Variants in FOXK1 observed in about 807,000 individuals in gnomAD.
FOXK1 encodes forkhead box protein K1.
A neutral mutation model predicts 51.9 loss-of-function variants in FOXK1; 19 were observed. The observed-to-expected ratio is 0.37, with a 90% CI of 0.26 to 0.54. FOXK1 has a LOEUF of 0.54. Ranked by LOEUF, FOXK1 falls within the 20% of genes least tolerant of loss-of-function variation. The pLI is 0.87. For missense variants in FOXK1, 870 were observed against 1,032.7 expected (o/e 0.84, Z 2.16); for synonymous variants, 537 against 482.6 (o/e 1.11, Z -1.48).
rs1176837534 is a variant in FOXK1 at position 4,723,818 on chromosome 7, C to A, written c.561-17020C>A. On this transcript the variant is annotated intron_variant, in intron 1 of 8. Coordinates refer to ENST00000328914, the MANE Select transcript of FOXK1 (RefSeq NM_001037165.2). This position sits in a 1 kb window ranked among gnomAD's most constrained non-coding sequence, Gnocchi z 4.7. ...AAATAGCTGAGACTACCAGTGTGCA[C>A]CACCACACCTGGCTGACTTCTTTGT... 6.6e-6 allele frequency among the ~76,000 whole-genome samples: 1 copy of A among 152,116 alleles called. No individual in the cohort carries two copies. The highest frequency in any genetic ancestry group is 2.4e-5 in the African/African-American group (1 of 41,426).
In FOXK1 at chr7:4,747,051, G is replaced by A. The variant is rs945841995; in HGVS notation, c.746+6028G>A. On this transcript the variant is annotated intron_variant, in intron 2 of 8. Transcript: ENST00000328914. This position sits in a 1 kb window ranked among gnomAD's most constrained non-coding sequence, Gnocchi z 9.2. ...GATCCCTTCGAGGGGCAACTTTGGC[G>A]CTAAAGTGTTGGGAGTTCGGAATGA... Among the ~76,000 whole-genome samples, 14 of 152,184 alleles carry A rather than the reference G, an allele frequency of 9.2e-5. No homozygotes were observed. Among genetic ancestry groups the A allele is most frequent in the African/African-American group, 3.1e-4 (13 of 41,438 alleles).
In FOXK1 at chr7:4,682,474, C is replaced by T; in HGVS notation, c.166C>T (p.Pro56Ser). The change falls in exon 1 of 9, where the codon CCG becomes TCG. Residue 56 changes from proline (P) to serine (S), a missense_variant. Around this residue, in one of 3 missense-constraint regions of FOXK1, gnomAD observed 399 missense variants for 475.6 expected, o/e 0.84. Coordinates refer to ENST00000328914, the MANE Select transcript of FOXK1 (RefSeq NM_001037165.2). This position sits in a 1 kb window ranked among gnomAD's most constrained non-coding sequence, Gnocchi z 7.6. Reference sequence around the variant, plus strand: ...GCCTCCGCCCGGGCCGCCGCCGCCGCCGCCACCGCCGCTGCCTCCGGGCGC... The same window carrying T: ...GCCTCCGCCCGGGCCGCCGCCGCCGTCGCCACCGCCGCTGCCTCCGGGCGC... ...PQPPPGPPPP[P>S]PPPLPPGAIA... 4.0e-6 allele frequency: 4 copies of T among 988,752 alleles called. No individual in the cohort carries two copies. The highest frequency in any genetic ancestry group is 1.8e-5 in the African/African-American group (1 of 56,926). 61.2% of individuals were successfully genotyped at this position (988,752 alleles called of 1,614,324 possible). A position where few individuals can be genotyped will look rare whatever the true frequency, so the allele number is the denominator to read the frequency against.
At position 4,694,906 on chromosome 7, in the gene FOXK1, C is replaced by T. The variant is rs190517403; in HGVS notation, c.560+12038C>T. Among the ~76,000 whole-genome samples, 1,241 of 152,342 alleles carry T rather than the reference C, an allele frequency of 8.1e-3. 9 individuals carry two copies. Among genetic ancestry groups the T allele is most frequent in the Non-Finnish European group, 0.012 (845 of 68,038 alleles). ...AGAAATACACCCTCCCATCCTGTGA[C>T]TTGGATACAGTTTACTGATGAAATT... On this transcript the variant is annotated intron_variant, in intron 1 of 8. Coordinates refer to ENST00000328914, the MANE Select transcript of FOXK1 (RefSeq NM_001037165.2).
In FOXK1 at chr7:4,711,042, G is replaced by C. The variant is rs1451272697; in HGVS notation, c.560+28174G>C. Reference sequence around the variant, plus strand: ...GGAGTTGCAGAGCAGCCTGGCTTTAGAGAACGCTTAGAGAAGATGGAGATG... The same window carrying C: ...GGAGTTGCAGAGCAGCCTGGCTTTACAGAACGCTTAGAGAAGATGGAGATG... On this transcript the variant is annotated intron_variant, in intron 1 of 8. Transcript: ENST00000328914. The surrounding 1 kb of genome is among the most constrained non-coding windows in gnomAD (Gnocchi z 6.3). Among the ~76,000 whole-genome samples, 2 of 148,970 alleles carry C rather than the reference G, an allele frequency of 1.3e-5. No homozygotes were observed. The highest frequency in any genetic ancestry group is 2.9e-5 in the Non-Finnish European group (2 of 68,008).
rs2115049594 is a variant in FOXK1, at chr7:4,723,831, C to G, written c.561-17007C>G. Among the ~76,000 whole-genome samples, 1 of 152,258 alleles carries G rather than the reference C, an allele frequency of 6.6e-6. No individual in the cohort carries two copies. Among genetic ancestry groups the G allele is most frequent in the African/African-American group, 2.4e-5 (1 of 41,572 alleles). On this transcript the variant is annotated intron_variant, in intron 1 of 8. Coordinates refer to ENST00000328914, the MANE Select transcript of FOXK1 (RefSeq NM_001037165.2). The surrounding 1 kb of genome is among the most constrained non-coding windows in gnomAD (Gnocchi z 4.7). ...TACCAGTGTGCACCACCACACCTGG[C>G]TGACTTCTTTGTATTTTTGGTAAAG...
chr7:4,716,477 G>T (rs1780236583), intron 1 of FOXK1, among the ~76,000 whole-genome samples: 2 of 152,096 alleles, frequency 1.3e-5, no homozygotes, highest in Non-Finnish European at 2.9e-5. Flanking sequence ...CTGCTCTCTA[G>T]CCTGCGTGAC....
intron 1 of FOXK1, among the ~76,000 whole-genome samples, chr7:4,738,436 CAAAAAAAA>C (rs763097060): frequency 2.0e-5 from 2 of 99,156 alleles, no homozygotes; most frequent in African/African-American, 7.5e-5. Context: ...GACTCCGTCT[CAAAAAAAA>C]AAAAAAGAAA....
rs1780320585 is a variant in FOXK1, at chr7:4,722,054, C to T, written c.561-18784C>T. 6.6e-6 allele frequency among the ~76,000 whole-genome samples: 1 copy of T among 152,230 alleles called. No homozygotes were observed. Among genetic ancestry groups the T allele is most frequent in the Non-Finnish European group, 1.5e-5 (1 of 68,046 alleles). ...TGGTGACCCCGCTGCATCCCATACC[C>T]TCCACCCATCCCAGCAGCCTCATGC... is the stretch of plus-strand genomic sequence containing the variant. On this transcript the variant is annotated intron_variant, in intron 1 of 8. Coordinates refer to ENST00000328914, the MANE Select transcript of FOXK1 (RefSeq NM_001037165.2). The surrounding 1 kb of genome is among the most constrained non-coding windows in gnomAD (Gnocchi z 5.1).
At chr7:4,688,442 C>T (rs1364229088) in intron 1 of FOXK1, among the ~76,000 whole-genome samples, 2 of 151,692 alleles carry the variant, frequency 1.3e-5, no homozygotes, top group Non-Finnish European at 2.9e-5. Context: ...GCTCTGTCGC[C>T]CAGGCTGGAG....
intron 1 of FOXK1, among the ~76,000 whole-genome samples, chr7:4,710,444 G>A (rs1780159954): frequency 6.6e-6 from 1 of 152,078 alleles, no homozygotes; most frequent in African/African-American, 2.4e-5. Context: ...GCGTGGTGAG[G>A]GGTGCCTGTA....
intron 7 of FOXK1, 67 bp downstream of exon 7, chr7:4,759,662 A>G (rs983179523): frequency 1.6e-5 from 23 of 1,478,200 alleles, no homozygotes; most frequent in African/African-American, 9.7e-5. Flanking sequence ...CAAGTCCCCA[A>G]GGCAGCGCCA....
At position 4,733,942 on chromosome 7, in the gene FOXK1, T is replaced by A. The variant is rs765393081; in HGVS notation, c.561-6896T>A. ...CTCCCAGCACGCGCCAACCCTGGAC[T>A]TCCCCCAGAGCTCATCTGGGTGGCA... On this transcript the variant is annotated intron_variant, in intron 1 of 8. Coordinates refer to ENST00000328914, the MANE Select transcript of FOXK1 (RefSeq NM_001037165.2). This position sits in a 1 kb window ranked among gnomAD's most constrained non-coding sequence, Gnocchi z 5.0. 3.3e-5 allele frequency among the ~76,000 whole-genome samples: 5 copies of A among 150,072 alleles called. No homozygotes were observed. Among genetic ancestry groups the A allele is most frequent in the Non-Finnish European group, 7.4e-5 (5 of 67,994 alleles).
chr7:4,721,376 G>A (rs936685373), intron 1 of FOXK1, among the ~76,000 whole-genome samples: 11 of 152,066 alleles, frequency 7.2e-5, no homozygotes, highest in African/African-American at 1.4e-4. Context: ...GGTGAGAAGC[G>A]ACCATTCCCT....
Position 4,729,221 on chromosome 7 carries a change from C to T in FOXK1, c.561-11617C>T, listed in dbSNP as rs1462274993. ...GAGCCTACTCTCCGATCCTCAGGAT[C>T]CTCTTCGGGAGCAGCAGGCAGTGGC... On this transcript the variant is annotated intron_variant, in intron 1 of 8. Coordinates refer to ENST00000328914, the MANE Select transcript of FOXK1 (RefSeq NM_001037165.2). This position sits in a 1 kb window ranked among gnomAD's most constrained non-coding sequence, Gnocchi z 6.2. Among the ~76,000 whole-genome samples, 1 of 152,188 alleles carries T rather than the reference C, an allele frequency of 6.6e-6. No individual in the cohort carries two copies. Among genetic ancestry groups the T allele is most frequent in the East Asian group, 1.9e-4 (1 of 5,190 alleles).
chr7:4,733,675 G>A lies in FOXK1; in HGVS notation c.561-7163G>A, dbSNP rs1780511028. Among the ~76,000 whole-genome samples the A allele has an allele frequency of 6.6e-6, 1 of 152,230 alleles. No homozygotes were observed. Among genetic ancestry groups the A allele is most frequent in the African/African-American group, 2.4e-5 (1 of 41,462 alleles). On this transcript the variant is annotated intron_variant, in intron 1 of 8. Transcript: ENST00000328914. This position sits in a 1 kb window ranked among gnomAD's most constrained non-coding sequence, Gnocchi z 5.0. ...AACTACAGCCTCAGCCACAGTCCAG[G>A]AAGCTGCCCAGTGCCCACATGGGAA...
rs745847966 is a variant in FOXK1 at position 4,759,417 on chromosome 7, G to A, written c.1518G>A (p.Gln506=). Residue 506 remains glutamine, a synonymous_variant, in exon 7 of 9, where the codon CAG becomes CAA. Transcript: ENST00000328914. ...TGCCCGCCTCCATCGTAACCTCACA[G>A]CAGCCCGCGGGCCACGCCATCCACG... The part of the protein sequence containing the change: ...AYMPASIVTS[Q]QPAGHAIHVV... 3 of 1,598,502 alleles carry A rather than the reference G, an allele frequency of 1.9e-6. No homozygotes were observed. Among genetic ancestry groups the A allele is most frequent in the African/African-American group, 1.3e-5 (1 of 74,908 alleles).
chr7:4,741,137 GGAAATACA>G, intron 2 of FOXK1, 114 bp downstream of exon 2: 1 of 707,078 alleles, frequency 1.4e-6, no homozygotes, highest in Non-Finnish European at 2.1e-6. Flanking sequence ...GCACGTGCAT[GGAAATACA>G]GAAAGTGTTG....
Position 4,761,397 on chromosome 7 carries a change from C to T in FOXK1, c.1921+109C>T. 8.9e-7 allele frequency: 1 copy of T among 1,125,328 alleles called. No homozygotes were observed. Among genetic ancestry groups the T allele is most frequent in the Non-Finnish European group, 1.3e-6 (1 of 787,610 alleles). 69.7% of individuals were successfully genotyped at this position (1,125,328 alleles called of 1,614,324 possible). A position where few individuals can be genotyped will look rare whatever the true frequency, so the allele number is the denominator to read the frequency against. ...GTATCTCCCGATCCTCCACTCAGTTCAATTTATTGAGCACCTGCTATACTC... is the reference window on the plus strand; with the variant it reads ...GTATCTCCCGATCCTCCACTCAGTTTAATTTATTGAGCACCTGCTATACTC... On this transcript the variant is annotated intron_variant, in intron 8 of 8. Coordinates refer to ENST00000328914, the MANE Select transcript of FOXK1 (RefSeq NM_001037165.2). This position sits in a 1 kb window ranked among gnomAD's most constrained non-coding sequence, Gnocchi z 6.2.
intron 1 of FOXK1, among the ~76,000 whole-genome samples, chr7:4,717,145 C>T (rs1247776743): frequency 7.6e-5 from 10 of 131,420 alleles, no homozygotes; most frequent in South Asian, 2.6e-4. Context: ...AAGGTGGTAG[C>T]GGGAGGCGTG....
Sources: allele counts gnomAD v4.1 joint callset (sites outside exome capture counted in the v4.1 genomes callset), GRCh38; gene constraint gnomAD v4.1.1; regional missense constraint gnomAD v4.1.1; non-coding constraint Gnocchi (gnomAD v3.1); transcripts MANE v1.5; gene names NCBI Gene and HGNC (gene_info 2026-07-23, HGNC 2026-07-21).